CEP112: variants seen among roughly 807,000 people sequenced by gnomAD.
CEP112 encodes the protein centrosomal protein of 112 kDa.
CEP112 carries 127 observed loss-of-function variants against 153.0 expected under a neutral mutation model. The observed-to-expected ratio is 0.83, with a 90% CI of 0.72 to 0.96. The LOEUF (loss-of-function observed/expected upper bound fraction) is 0.96, where lower values mean the gene tolerates loss of function less well. Among genes scored for constraint, CEP112 ranks in the 40% least tolerant of loss-of-function variants. The pLI is 0.00. For missense variants in CEP112, 1,089 were observed against 1,101.2 expected (o/e 0.99, Z 0.16); for synonymous variants, 358 against 374.4 (o/e 0.96, Z 0.51).
intron 24 of CEP112, among the ~76,000 whole-genome samples, chr17:65,663,558 T>C (rs1214446852): frequency 6.6e-6 from 1 of 152,128 alleles, no homozygotes; most frequent in East Asian, 1.9e-4. Flanking sequence ...TAGAGACTGG[T>C]GGGTAGTTAG....
chr17:65,849,927 G>A (rs1179017956), intron 21 of CEP112, among the ~76,000 whole-genome samples: 3 of 152,170 alleles, frequency 2.0e-5, no homozygotes, highest in African/African-American at 7.2e-5. Context: ...GTCGAGTTGG[G>A]TGGATTGTCC....
At chr17:65,667,873 G>A (rs1366960968) in intron 24 of CEP112, among the ~76,000 whole-genome samples, 1 of 150,160 alleles carries the variant, frequency 6.7e-6, no homozygotes, top group Admixed American at 6.6e-5. Flanking sequence ...GAGGGAGGCC[G>A]ACGACTGCGC....
chr17:65,709,668 G>C (rs1349572294), intron 23 of CEP112, among the ~76,000 whole-genome samples: 1 of 152,184 alleles, frequency 6.6e-6, no homozygotes, highest in Non-Finnish European at 1.5e-5. Flanking sequence ...TTAATTCATG[G>C]ATAAAACCAT....
At chr17:65,695,533 A>G (rs2048313920) in intron 23 of CEP112, among the ~76,000 whole-genome samples, 1 of 152,212 alleles carries the variant, frequency 6.6e-6, no homozygotes, top group Non-Finnish European at 1.5e-5. Context: ...TTCTGCGTCA[A>G]TTAAACAAGA....
intron 22 of CEP112, among the ~76,000 whole-genome samples, chr17:65,747,689 T>C (rs1027226673): frequency 9.2e-5 from 14 of 152,104 alleles, no homozygotes; most frequent in Admixed American, 9.2e-4. Flanking sequence ...GAAATGATAT[T>C]TGGGGGCGTG....
intron 21 of CEP112, among the ~76,000 whole-genome samples, chr17:65,771,097 T>C (rs1172308775): frequency 6.6e-6 from 1 of 152,008 alleles, no homozygotes; most frequent in Non-Finnish European, 1.5e-5. Flanking sequence ...ATCACTGTGT[T>C]TTTAAAAAAA....
In CEP112 at chr17:65,881,171, A is replaced by G. The variant is rs60508832; in HGVS notation, c.2163+20981T>C. ...GGCGGAGTTTGCAGTGAGCCGAGAT[A>G]GCGCCACTGCACTCCAGCCTGGGCG... On this transcript the variant is annotated intron_variant, in intron 20 of 26. Coordinates refer to ENST00000535342, the MANE Select transcript of CEP112 (RefSeq NM_001199165.4). Among the ~76,000 whole-genome samples, 1,118 of 152,162 alleles carry G rather than the reference A, an allele frequency of 7.3e-3. 18 individuals carry two copies. The highest frequency in any genetic ancestry group is 0.025 in the African/African-American group (1,056 of 41,526).
At chr17:65,954,084 C>A (rs2061927754) in intron 18 of CEP112, among the ~76,000 whole-genome samples, 1 of 152,166 alleles carries the variant, frequency 6.6e-6, no homozygotes, top group African/African-American at 2.4e-5. Context: ...AACCAAGAAC[C>A]CTCACAGAGT....
At chr17:66,009,507 T>A (rs1388082893) in intron 16 of CEP112, among the ~76,000 whole-genome samples, 1 of 152,196 alleles carries the variant, frequency 6.6e-6, no homozygotes, top group East Asian at 1.9e-4. Flanking sequence ...GTAGTTTGCC[T>A]CTTCACTCTG....
intron 10 of CEP112, among the ~76,000 whole-genome samples, chr17:66,063,726 C>A (rs1020253383): frequency 5.9e-5 from 9 of 152,148 alleles, no homozygotes. Context: ...AAACGTTCTA[C>A]AGCTCTTCTC....
rs548948115 is a variant in CEP112 at position 65,826,436 on chromosome 17, G to A, written c.2394+25368C>T. ...CTGATAGAAAGGTGACTTGGGCCCA[G>A]AGGGTTAGAGTGTCTGAGATTCCCC... is the stretch of plus-strand genomic sequence containing the variant. On this transcript the variant is annotated intron_variant, in intron 21 of 26. Transcript: ENST00000535342. 21 of 1,549,102 alleles carry A rather than the reference G, an allele frequency of 1.4e-5. No individual in the cohort carries two copies. The South Asian group carries it at 1.9e-4, about 14-fold the overall frequency.
rs78342513 is a variant in CEP112 at position 66,060,049 on chromosome 17, A to T, written c.1074+2914T>A. Among the ~76,000 whole-genome samples, 1,244 of 152,290 alleles carry T rather than the reference A, an allele frequency of 8.2e-3. 9 individuals are homozygous for T. Among genetic ancestry groups the T allele is most frequent in the Admixed American group, 0.022 (334 of 15,280 alleles). Reference sequence around the variant, plus strand: ...CTAAGCAAATTAATGCAGAAATAGAAAACCAAGCATGTTCTCACTTACAAG... The same window carrying T: ...CTAAGCAAATTAATGCAGAAATAGATAACCAAGCATGTTCTCACTTACAAG... On this transcript the variant is annotated intron_variant, in intron 11 of 26. Coordinates refer to ENST00000535342, the MANE Select transcript of CEP112 (RefSeq NM_001199165.4).
intron 20 of CEP112, among the ~76,000 whole-genome samples, chr17:65,890,991 T>C (rs759783454): frequency 2.6e-5 from 4 of 152,186 alleles, no homozygotes; most frequent in Admixed American, 6.5e-5. Context: ...AATTATAGTA[T>C]TCTCCATTTA....
At chr17:66,105,280 C>T (rs994501968) in intron 6 of CEP112, among the ~76,000 whole-genome samples, 2 of 151,666 alleles carry the variant, frequency 1.3e-5, no homozygotes, top group Admixed American at 1.3e-4. Context: ...AAACCTACAA[C>T]AAATGCACAA....
chr17:66,086,407 T>C (rs1473634907), intron 8 of CEP112, among the ~76,000 whole-genome samples: 3 of 18,834 alleles, frequency 1.6e-4, no homozygotes, highest in South Asian at 2.8e-3. Context: ...TTTTTTTTTT[T>C]TTTTTTTTTT....
rs76932324 is a variant in CEP112, at chr17:66,045,821, C to T, written c.1218+7915G>A. On this transcript the variant is annotated intron_variant, in intron 12 of 26. Coordinates refer to ENST00000535342, the MANE Select transcript of CEP112 (RefSeq NM_001199165.4). ...CAGTTCTCAAAGTTTGGTCAACAAA[C>T]TCCTGAGCTTCCCAAAGACTCTTTT... 2.3e-3 allele frequency among the ~76,000 whole-genome samples: 343 copies of T among 152,280 alleles called. 3 individuals carry two copies. The highest frequency in any genetic ancestry group is 8.0e-3 in the African/African-American group (333 of 41,558).
intron 19 of CEP112, among the ~76,000 whole-genome samples, chr17:65,911,491 A>C (rs192382893): frequency 1.3e-5 from 2 of 152,222 alleles, no homozygotes; most frequent in African/African-American, 4.8e-5. Flanking sequence ...TTCTAAAAAT[A>C]ATCTCTTATG....
At chr17:66,122,795 G>T (rs1237934639) in intron 6 of CEP112, among the ~76,000 whole-genome samples, 7 of 152,144 alleles carry the variant, frequency 4.6e-5, no homozygotes, top group African/African-American at 1.4e-4. Flanking sequence ...TCTGAGGATT[G>T]TTCTGACCCC....
chr17:66,112,860 C>T (rs1216956677), intron 6 of CEP112, among the ~76,000 whole-genome samples: 3 of 152,130 alleles, frequency 2.0e-5, no homozygotes, highest in Admixed American at 1.3e-4. Flanking sequence ...GCAGGAGAAT[C>T]GCTTGAACCC....
Sources: gnomAD v4.1 joint callset for allele counts (sites outside exome capture counted in the v4.1 genomes callset) on GRCh38, gnomAD v4.1.1 for gene constraint, MANE v1.5 for transcripts, NCBI Gene and HGNC (gene_info 2026-07-23, HGNC 2026-07-21) for gene names.